PAAF1: variants seen among roughly 807,000 people sequenced by gnomAD.
The protein encoded by PAAF1 is proteasomal ATPase associated factor 1.
A neutral mutation model predicts 52.8 loss-of-function variants in PAAF1; 46 were observed. The observed-to-expected ratio is 0.87, with a 90% CI of 0.69 to 1.11. The LOEUF (loss-of-function observed/expected upper bound fraction) is 1.11. Among genes scored for constraint, PAAF1 ranks in the 50% most tolerant of loss-of-function variants. The pLI is 0.00. For synonymous variants in PAAF1, 178 were observed against 172.8 expected (o/e 1.03, Z -0.24); for missense variants, 424 against 477.4 (o/e 0.89, Z 1.04).
rs148999050 is a variant in PAAF1, at chr11:73,887,372, G to C, written c.107G>C (p.Gly36Ala). The C allele has an allele frequency of 3.6e-5, 58 of 1,611,604 alleles. No individual in the cohort carries two copies. The African/African-American group carries it at 5.7e-4, about 16-fold the overall frequency. Residue 36 changes from glycine (G) to alanine (A), a missense_variant, in exon 3 of 12, where the codon GGC becomes GCC. Gly to Ala is a moderately conservative substitution (Grantham distance 60, BLOSUM62 0). Coordinates refer to ENST00000310571, the MANE Select transcript of PAAF1 (RefSeq NM_025155.3). ...CATATAGGGAAACCATCTTTGTATG[G>C]CAGCCTGACTTGTCAAGGAATTGGC... Reference protein sequence around the residue: ...CHPPGKPSLYGSLTCQGIGLD... With the variant: ...CHPPGKPSLYASLTCQGIGLD...
intron 10 of PAAF1, among the ~76,000 whole-genome samples, chr11:73,924,017 A>ACG (rs1004571536): frequency 1.8e-4 from 28 of 152,006 alleles, no homozygotes; most frequent in South Asian, 6.2e-4. Context: ...ACACACACAC[A>ACG]CACACACACA....
rs998298473 is a variant in PAAF1 at position 73,919,025 on chromosome 11, T to C, written c.1011T>C (p.Ala337=). The change falls in exon 10 of 12, where the codon GCT becomes GCC. Residue 337 remains alanine (A), a synonymous_variant. Transcript: ENST00000310571. The stretch of plus-strand genomic sequence containing the variant: ...TAAGTGTCAGAGATGGATTCATTGC[T>C]AGCCAAGGTGGGTCCATGGGCCAAT... ...SLLSVRDGFI[A]SQGDGSCFIV... is the part of the protein sequence containing the mutation. The C allele has an allele frequency of 5.6e-6, 9 of 1,613,658 alleles. No homozygotes were observed. In the East Asian group the frequency reaches 1.1e-4, roughly 20 times the overall value.
chr11:73,879,484 C>G (rs1012472315), intron 2 of PAAF1: 3 of 152,202 alleles, frequency 2.0e-5, no homozygotes, highest in African/African-American at 7.2e-5. Flanking sequence ...TAAAACAAAT[C>G]AACCTTCCTT....
intron 2 of PAAF1, among the ~76,000 whole-genome samples, chr11:73,881,294 G>A (rs1056192686): frequency 2.0e-5 from 3 of 152,052 alleles, no homozygotes; most frequent in African/African-American, 7.2e-5. Flanking sequence ...TACTATTAAA[G>A]CAGTATTTTT....
At chr11:73,904,890 T>A (rs1342516076) in intron 6 of PAAF1, among the ~76,000 whole-genome samples, 1 of 152,234 alleles carries the variant, frequency 6.6e-6, no homozygotes, top group African/African-American at 2.4e-5. Flanking sequence ...CTGAATCTTT[T>A]CTTGAAGGCA....
chr11:73,915,931 A>G (rs1226323672), intron 8 of PAAF1, among the ~76,000 whole-genome samples: 2 of 152,108 alleles, frequency 1.3e-5, no homozygotes, highest in South Asian at 2.1e-4. Context: ...TTGAGTTTCC[A>G]TGCTGGCTTT....
chr11:73,907,114 A>G (rs1001403707), intron 6 of PAAF1, among the ~76,000 whole-genome samples: 1 of 149,008 alleles, frequency 6.7e-6, no homozygotes, highest in Non-Finnish European at 1.5e-5. Flanking sequence ...CTTTATGTCT[A>G]TAATCAACTC....
intron 2 of PAAF1, chr11:73,879,924 T>C (rs2135119659): frequency 6.6e-6 from 1 of 151,850 alleles, no homozygotes; most frequent in East Asian, 1.9e-4. Flanking sequence ...ATGGACTTTA[T>C]AGTGCTGTGA....
chr11:73,899,408 C>CTTTTTTTTTTTTTT (rs71065053), intron 5 of PAAF1, among the ~76,000 whole-genome samples, 164 bp downstream of exon 5: 48 of 101,200 alleles, frequency 4.7e-4, no homozygotes, highest in African/African-American at 5.4e-4. Flanking sequence ...TTCTTTTTCT[C>CTTTTTTTTTTTTTT]TTTTTTTTTT....
At chr11:73,917,250 A>G (rs559756881) in intron 9 of PAAF1, among the ~76,000 whole-genome samples, 1 of 151,726 alleles carries the variant, frequency 6.6e-6, no homozygotes, top group East Asian at 1.9e-4. Flanking sequence ...CGAATTCCTG[A>G]CCTCGTGATC....
Position 73,927,325 on chromosome 11 carries a change from A to ACCT in PAAF1, c.1143_1144insCTC (p.Asp381_Gly382insLeu). 1 of 1,614,160 alleles carries ACCT rather than the reference A, an allele frequency of 6.2e-7. No individual in the cohort carries two copies. The highest frequency in any genetic ancestry group is 8.5e-7 in the Non-Finnish European group (1 of 1,180,018). ...AAGCAGATCTACACATGCTGTCGAG[A>ACCT]CGGTCTTGTACGACGCTACCAGCTT... On this transcript the variant is annotated inframe_insertion, in exon 12 of 12. Coordinates refer to ENST00000310571, the MANE Select transcript of PAAF1 (RefSeq NM_025155.3).
Position 73,899,122 on chromosome 11 carries a change from ATTGT to A in PAAF1, c.283-17_283-14del, listed in dbSNP as rs767488920. On this transcript the variant is annotated intron_variant, in intron 4 of 11. Transcript: ENST00000310571. Reference sequence around the variant, plus strand: ...AAGAGTATTTCATTATTTCTAACACATTGTTTGTTTTCTCTTTGAACAGATAACA... The same window carrying A: ...AAGAGTATTTCATTATTTCTAACACATTGTTTTCTCTTTGAACAGATAACA... 3.7e-5 allele frequency: 57 copies of A among 1,561,030 alleles called. 1 individual carries two copies. Among genetic ancestry groups the A allele is most frequent in the South Asian group, 2.0e-4 (18 of 89,570 alleles).
rs1948815194 is a variant in PAAF1 at position 73,878,773 on chromosome 11, T to C, written c.48-6T>C. ...AGCCTAATTAGGCTTTTGTCTTTCT[T>C]CGTAGGAAGGATGAAGGGGAGGCCT... On this transcript the variant is annotated splice_polypyrimidine_tract_variant and splice_region_variant and intron_variant, in intron 1 of 11. Transcript: ENST00000310571. 1.9e-6 allele frequency: 3 copies of C among 1,613,486 alleles called. No individual in the cohort carries two copies. The highest frequency in any genetic ancestry group is 2.5e-6 in the Non-Finnish European group (3 of 1,179,648).
chr11:73,881,263 T>A (rs996999937), intron 2 of PAAF1, among the ~76,000 whole-genome samples: 1 of 152,178 alleles, frequency 6.6e-6, no homozygotes, highest in African/African-American at 2.4e-5. Flanking sequence ...CCTAATATTT[T>A]GCATTTTTCT....
At chr11:73,902,863 A>AT (rs1013522260) in intron 6 of PAAF1, among the ~76,000 whole-genome samples, 7 of 151,146 alleles carry the variant, frequency 4.6e-5, no homozygotes, top group Non-Finnish European at 8.9e-5. Context: ...TGCCCGGCTA[A>AT]TTTTTTTTTG....
intron 1 of PAAF1, among the ~76,000 whole-genome samples, 180 bp from the exon 2 acceptor site, chr11:73,878,599 T>G (rs1470021781): frequency 6.6e-6 from 1 of 152,224 alleles, no homozygotes; most frequent in Non-Finnish European, 1.5e-5. Flanking sequence ...CACAAATATT[T>G]CTTGAACAAA....
At chr11:73,916,302 C>T (rs1056381418) in intron 8 of PAAF1, among the ~76,000 whole-genome samples, 3 of 141,598 alleles carry the variant, frequency 2.1e-5, no homozygotes, top group Middle Eastern at 3.5e-3. Context: ...AGTTGGAAAA[C>T]TGCTACTTCA....
intron 7 of PAAF1, among the ~76,000 whole-genome samples, chr11:73,911,815 G>A (rs999513834): frequency 1.3e-5 from 2 of 151,674 alleles, no homozygotes; most frequent in African/African-American, 2.4e-5. Flanking sequence ...TGTATTTGTA[G>A]TACAGATGAG....
chr11:73,899,313 A>G, intron 5 of PAAF1, 69 bp downstream of exon 5: 1 of 1,177,692 alleles, frequency 8.5e-7, no homozygotes, highest in South Asian at 1.3e-5. Flanking sequence ...GGACTGGGAC[A>G]TGGAAGGAAG....
Sources: gnomAD v4.1 joint callset for allele counts (sites outside exome capture counted in the v4.1 genomes callset) on GRCh38, gnomAD v4.1.1 for gene constraint, MANE v1.5 for transcripts, NCBI Gene and HGNC (gene_info 2026-07-23, HGNC 2026-07-21) for gene names.